The following NUP107 variants were observed in gnomAD, a reference collection of about 807,000 sequenced individuals.
The protein encoded by NUP107 is nuclear pore complex protein Nup107.
NUP107 carries 101 observed loss-of-function variants against 141.0 expected under a neutral mutation model. The ratio of observed to expected loss-of-function variants is 0.72; its 90% confidence interval spans 0.61 to 0.84. NUP107 has a LOEUF of 0.84. Among genes scored for constraint, NUP107 ranks in the 40% least tolerant of loss-of-function variants. The pLI, the probability that NUP107 is intolerant of heterozygous loss-of-function variation, is 0.00. For missense variants in NUP107, 941 were observed against 1,102.7 expected, an observed-to-expected ratio of 0.85 and a Z score of 2.08; for synonymous variants, 319 against 363.9, an observed-to-expected ratio of 0.88 and a Z score of 1.41.
At chr12:68,738,922 C>CT (rs1565705726) in intron 26 of NUP107, among the ~76,000 whole-genome samples, 1 of 152,060 alleles carries the variant, frequency 6.6e-6, no homozygotes, top group African/African-American at 2.4e-5. Flanking sequence ...GGAATAAAAT[C>CT]TTTCTTTTCT....
chr12:68,724,730 G>C (rs944840378), intron 17 of NUP107, among the ~76,000 whole-genome samples: 2 of 152,056 alleles, frequency 1.3e-5, no homozygotes, highest in Admixed American at 1.3e-4. Context: ...GCAGTGAGCC[G>C]TGATTGTACC....
intron 25 of NUP107, 133 bp from the exon 26 acceptor site, chr12:68,735,098 T>C: frequency 1.4e-6 from 1 of 731,072 alleles, no homozygotes; most frequent in Non-Finnish European, 2.3e-6. Context: ...TTGATACTTA[T>C]TTTTGTACTT....
chr12:68,728,009 G>A (rs77410400), intron 20 of NUP107, among the ~76,000 whole-genome samples: 3,244 of 152,220 alleles, frequency 0.021, 126 homozygotes, highest in African/African-American at 0.074. Context: ...GGGGCTCGGC[G>A]AGGTGGCTCA....
At chr12:68,703,447 AGTTT>A (rs1478285190) in intron 8 of NUP107, among the ~76,000 whole-genome samples, 54 of 150,584 alleles carry the variant, frequency 3.6e-4, no homozygotes, top group Admixed American at 8.6e-4. Flanking sequence ...TTATACTGAG[AGTTT>A]GTTTGTTTTT....
chr12:68,707,979 T>C (rs979189185), intron 8 of NUP107, among the ~76,000 whole-genome samples: 4 of 151,976 alleles, frequency 2.6e-5, no homozygotes, highest in Non-Finnish European at 5.9e-5. Flanking sequence ...ACCTCCCTTC[T>C]TCTTGGGAGG....
At chr12:68,714,099 C>CTGACCTATG (rs1876996963) in intron 11 of NUP107, 1 of 278,074 alleles carries the variant, frequency 3.6e-6, no homozygotes, top group East Asian at 7.9e-5. Context: ...AAGGTAGTGA[C>CTGACCTATG]TGACCTATGA....
rs1877525406 is a variant in NUP107, at chr12:68,725,618, TTC to T, written c.1507-107_1507-106del. On this transcript the variant is annotated intron_variant, in intron 17 of 27. Transcript: ENST00000229179. ...TCTAAGGCCCTTCATTTCCAGCTTT[TTC>T]TTTCTATATGTTCCTTCAAAAGTTT... 7 of 628,144 alleles carry T rather than the reference TTC, an allele frequency of 1.1e-5. No homozygotes were observed. In the East Asian group the frequency reaches 2.1e-4, roughly 19 times the overall value. The allele number at this position is 628,144 out of a possible 1,614,324, so 38.9% of individuals were successfully genotyped here. A position where few individuals can be genotyped will look rare whatever the true frequency, so the allele number is the denominator to read the frequency against.
At chr12:68,736,994 C>T (rs1429354391) in intron 26 of NUP107, among the ~76,000 whole-genome samples, 3 of 152,092 alleles carry the variant, frequency 2.0e-5, no homozygotes, top group Non-Finnish European at 2.9e-5. Flanking sequence ...TGAGCCACTG[C>T]GCCCAGCCAA....
In NUP107 at chr12:68,734,727, A is replaced by G. The variant is rs781712218; in HGVS notation, c.2282A>G (p.Asn761Ser). The change falls in exon 25 of 28, where the codon AAT becomes AGT. Residue 761 changes from asparagine to serine, a missense_variant. Transcript: ENST00000229179. ...TTTTAGGAAGCCCATGAAACCTTTAATGAGTGGTTTAAGCATATGAATTCA... is the reference window on the plus strand; with the variant it reads ...TTTTAGGAAGCCCATGAAACCTTTAGTGAGTGGTTTAAGCATATGAATTCA... Reference protein sequence around the residue: ...RAYLEAHETFNEWFKHMNSVP... With the variant: ...RAYLEAHETFSEWFKHMNSVP... 3.7e-6 allele frequency: 6 copies of G among 1,602,234 alleles called. No individual in the cohort carries two copies. The highest frequency in any genetic ancestry group is 5.1e-6 in the Non-Finnish European group (6 of 1,175,458).
intron 6 of NUP107, among the ~76,000 whole-genome samples, chr12:68,698,143 G>A (rs184316319): frequency 3.8e-4 from 58 of 152,228 alleles, no homozygotes; most frequent in Non-Finnish European, 8.2e-4. Context: ...CCAGGCCAGT[G>A]CTGTGGCTCC....
chr12:68,710,035 A>G lies in NUP107; in HGVS notation c.832A>G (p.Lys278Glu). The G allele has an allele frequency of 1.2e-6, 2 of 1,600,618 alleles. No individual in the cohort carries two copies. Among genetic ancestry groups the G allele is most frequent in the Non-Finnish European group, 1.7e-6 (2 of 1,169,532 alleles). The change falls in exon 10 of 28, where the codon AAA becomes GAA. Residue 278 changes from lysine to glutamate, a missense_variant. Transcript: ENST00000229179. ...LVVDWLESIA[K>E]DEIGEFSDNI... ...GGTAGATTGGTTAGAGAGTATTGCC[A>G]AAGATGAAATTGGAGAATTTTCTGA... is the stretch of plus-strand genomic sequence containing the variant.
At position 68,696,674 on chromosome 12, in the gene NUP107, T is replaced by C. The variant is rs151148882; in HGVS notation, c.449-145T>C. 1,532 of 516,952 alleles carry C rather than the reference T, an allele frequency of 3.0e-3. 18 individuals are homozygous for C. Among genetic ancestry groups the C allele is most frequent in the African/African-American group, 0.026 (1,323 of 51,866 alleles). 32.0% of individuals were successfully genotyped at this position (516,952 alleles called of 1,614,324 possible). A position where few individuals can be genotyped will look rare whatever the true frequency, so the allele number is the denominator to read the frequency against. On this transcript the variant is annotated intron_variant, in intron 5 of 27. Transcript: ENST00000229179. ...GTTGCAGTGAGCTGAGACCGTGCCATTGCACTCCACCCTGGACAACAAGAG... is the reference window on the plus strand; with the variant it reads ...GTTGCAGTGAGCTGAGACCGTGCCACTGCACTCCACCCTGGACAACAAGAG...
At chr12:68,728,567 G>A (rs1322396368) in intron 20 of NUP107, among the ~76,000 whole-genome samples, 1 of 151,456 alleles carries the variant, frequency 6.6e-6, no homozygotes, top group African/African-American at 2.4e-5. Context: ...GGGATTAAAG[G>A]TGCTGGCTAA....
At chr12:68,700,323 G>T (rs1189466173) in intron 6 of NUP107, among the ~76,000 whole-genome samples, 1 of 152,092 alleles carries the variant, frequency 6.6e-6, no homozygotes, top group East Asian at 1.9e-4. Context: ...TTAGTTACCT[G>T]ATATAAATTT....
chr12:68,714,172 C>G (rs528642588), intron 11 of NUP107: 1 of 162,696 alleles, frequency 6.1e-6, no homozygotes, highest in Non-Finnish European at 1.3e-5. Context: ...GAGGTTAGAA[C>G]GGTTATTTGA....
chr12:68,721,275 A>T, intron 15 of NUP107, 98 bp downstream of exon 15: 1 of 731,564 alleles, frequency 1.4e-6, no homozygotes. Flanking sequence ...TTAAGTTTGT[A>T]TACTTAAGTA....
In NUP107 at chr12:68,736,379, A is replaced by G. The variant is rs138912138; in HGVS notation, c.2502+1035A>G. 2.4e-3 allele frequency among the ~76,000 whole-genome samples: 370 copies of G among 152,174 alleles called. 2 individuals are homozygous for G. Among genetic ancestry groups the G allele is most frequent in the African/African-American group, 8.7e-3 (361 of 41,512 alleles). ...ATTTGAGCCCCTATTTGCCACTATT[A>G]CTGATGGAGTAATTATCTTAAATGT... On this transcript the variant is annotated intron_variant, in intron 26 of 27. Coordinates refer to ENST00000229179, the MANE Select transcript of NUP107 (RefSeq NM_020401.4).
At chr12:68,712,273 A>T (rs1474090870) in intron 10 of NUP107, among the ~76,000 whole-genome samples, 1 of 152,032 alleles carries the variant, frequency 6.6e-6, no homozygotes, top group Non-Finnish European at 1.5e-5. Context: ...ACCTGAGATC[A>T]GGAGTTCAAG....
intron 3 of NUP107, chr12:68,689,914 C>A: frequency 4.1e-6 from 1 of 241,200 alleles, no homozygotes; most frequent in Non-Finnish European, 7.9e-6. Flanking sequence ...GATGCAGTGG[C>A]CCATGCCTAT....
Sources: gnomAD v4.1 joint callset for allele counts (sites outside exome capture counted in the v4.1 genomes callset) on GRCh38, gnomAD v4.1.1 for gene constraint, MANE v1.5 for transcripts, NCBI Gene and HGNC (gene_info 2026-07-23, HGNC 2026-07-21) for gene names.